Variants in VRK2 observed in about 807,000 individuals in gnomAD.
VRK2 encodes the protein serine/threonine-protein kinase VRK2.
A neutral mutation model predicts 57.6 loss-of-function variants in VRK2; 60 were observed. The ratio of observed to expected loss-of-function variants is 1.04; its 90% CI spans 0.85 to 1.29. VRK2 has a LOEUF of 1.29. Ranked by LOEUF, VRK2 falls within the 50% of genes most tolerant of loss-of-function variation. The pLI is 0.00. For synonymous variants in VRK2, 231 were observed against 199.2 expected, an observed-to-expected ratio of 1.16 and a Z score of -1.35; for missense variants, 705 against 588.1, an observed-to-expected ratio of 1.20 and a Z score of -2.06.
intron 1 of VRK2, among the ~76,000 whole-genome samples, chr2:57,921,044 C>G (rs923420750): frequency 6.6e-6 from 1 of 151,984 alleles, no homozygotes; most frequent in Non-Finnish European, 1.5e-5. Context: ...TGACTGTTAA[C>G]GAATTAATCA....
At position 57,913,008 on chromosome 2, in the gene VRK2, G is replaced by A. The variant is rs951766632; in HGVS notation, c.-439+5169G>A. Among the ~76,000 whole-genome samples the A allele has an allele frequency of 2.6e-5, 4 of 152,130 alleles. No individual in the cohort carries two copies. The East Asian group carries it at 7.7e-4, about 29-fold the overall frequency. ...ACAAGCTGTCTATGAACCAGGAAGT[G>A]GGCCTCCTCAGACACTGAATCTGCT... On this transcript the variant is annotated intron_variant, in intron 1 of 15. Coordinates refer to the VRK2 transcript ENST00000417641.
intron 1 of VRK2, among the ~76,000 whole-genome samples, chr2:58,018,675 A>C (rs549962579): frequency 6.6e-6 from 1 of 152,330 alleles, no homozygotes; most frequent in South Asian, 2.1e-4. Flanking sequence ...AATTACATCT[A>C]AACTTTGGTG....
chr2:57,949,155 G>C (rs915895055), intron 1 of VRK2, among the ~76,000 whole-genome samples: 2 of 152,090 alleles, frequency 1.3e-5, no homozygotes, highest in Non-Finnish European at 2.9e-5. Context: ...AAAAGGATTT[G>C]AAAATAGCTG....
At chr2:57,913,183 G>A in intron 1 of VRK2, among the ~76,000 whole-genome samples, 1 of 152,166 alleles carries the variant, frequency 6.6e-6, no homozygotes, top group Non-Finnish European at 1.5e-5. Context: ...GAACACACTG[G>A]ATTTAGAGCA....
intron 2 of VRK2, among the ~76,000 whole-genome samples, chr2:58,032,826 C>G (rs913937472): frequency 6.6e-6 from 1 of 152,078 alleles, no homozygotes. Flanking sequence ...TCTATGCACC[C>G]CAGCCAGCTT....
At chr2:58,040,969 T>A in intron 3 of VRK2, 3 of 896,692 alleles carry the variant, frequency 3.3e-6, no homozygotes, top group Non-Finnish European at 4.0e-6. Flanking sequence ...GTGTCAACTC[T>A]ATTCTTATTG....
intron 9 of VRK2, among the ~76,000 whole-genome samples, chr2:58,133,836 T>C (rs148607205): frequency 3.9e-5 from 6 of 152,350 alleles, no homozygotes; most frequent in African/African-American, 9.6e-5. Flanking sequence ...AATGCACATA[T>C]ATACTTAGAT....
intron 1 of VRK2, among the ~76,000 whole-genome samples, chr2:57,974,461 C>A (rs1162837112): frequency 6.6e-6 from 1 of 151,404 alleles, no homozygotes; most frequent in Non-Finnish European, 1.5e-5. Flanking sequence ...CCACTAAATT[C>A]AAAAAGGCAG....
At chr2:58,156,659 A>G (rs961851987) in intron 12 of VRK2, among the ~76,000 whole-genome samples, 2 of 151,990 alleles carry the variant, frequency 1.3e-5, no homozygotes, top group African/African-American at 2.4e-5. Context: ...TGTTAAACCT[A>G]GCCAATGAAT....
intron 1 of VRK2, among the ~76,000 whole-genome samples, chr2:57,941,736 G>A (rs551168051): frequency 5.5e-4 from 84 of 152,254 alleles, no homozygotes; most frequent in African/African-American, 2.0e-3. Flanking sequence ...TGTTAACAGT[G>A]CCCTTTGGCT....
intron 7 of VRK2, among the ~76,000 whole-genome samples, chr2:58,108,647 A>T (rs1675113781): frequency 6.6e-6 from 1 of 152,126 alleles, no homozygotes. Context: ...CTTAGAAATT[A>T]TTCAGTACCC....
rs377436957 is a variant in VRK2, at chr2:58,159,394, T to C, written c.1228T>C (p.Leu410=). ...GAAATATCAAGAGTCTCAAGAACCT[T>C]TGAATGAAGTAAACAGTTTCCCACA... is the stretch of plus-strand genomic sequence containing the variant. ...RQKYQESQEP[L]NEVNSFPQKI... is the part of the protein sequence containing the mutation. Residue 410 remains leucine (L), a synonymous_variant, in exon 13 of 13, where the codon TTG becomes CTG. Transcript: ENST00000340157. 5.5e-5 allele frequency: 89 copies of C among 1,613,036 alleles called. No individual in the cohort carries two copies. The highest frequency in any genetic ancestry group is 8.0e-5 in the African/African-American group (6 of 74,822).
intron 1 of VRK2, among the ~76,000 whole-genome samples, chr2:57,967,111 A>G (rs569321798): frequency 1.3e-5 from 2 of 152,328 alleles, no homozygotes; most frequent in South Asian, 2.1e-4. Flanking sequence ...TGTATTATCA[A>G]ACTAACGCAA....
At chr2:58,004,353 T>C (rs150570212) in intron 1 of VRK2, among the ~76,000 whole-genome samples, 1 of 152,180 alleles carries the variant, frequency 6.6e-6, no homozygotes, top group Admixed American at 6.5e-5. Context: ...AATGTATTAC[T>C]GAGTGGTTCA....
intron 11 of VRK2, among the ~76,000 whole-genome samples, chr2:58,145,800 G>A (rs951015466): frequency 6.6e-5 from 10 of 151,876 alleles, no homozygotes; most frequent in South Asian, 4.2e-4. Context: ...ACAGGCCCCA[G>A]TGTGTGATGT....
At chr2:57,991,201 C>T (rs574690510) in intron 1 of VRK2, among the ~76,000 whole-genome samples, 1 of 152,228 alleles carries the variant, frequency 6.6e-6, no homozygotes, top group African/African-American at 2.4e-5. Flanking sequence ...TAATTCTCCC[C>T]ACCATCAGTA....
At chr2:57,985,365 T>G (rs999707732) in intron 1 of VRK2, among the ~76,000 whole-genome samples, 2 of 152,034 alleles carry the variant, frequency 1.3e-5, no homozygotes, top group Non-Finnish European at 2.9e-5. Flanking sequence ...ACGTAAAGAT[T>G]TGACATATTT....
chr2:58,060,279 A>C (rs1677129788), intron 2 of VRK2, among the ~76,000 whole-genome samples: 1 of 151,956 alleles, frequency 6.6e-6, no homozygotes, highest in Non-Finnish European at 1.5e-5. Context: ...CTACTCTAGC[A>C]GAAAGCTTTT....
chr2:57,938,731 G>A, intron 1 of VRK2, among the ~76,000 whole-genome samples: 1 of 151,914 alleles, frequency 6.6e-6, no homozygotes, highest in Admixed American at 6.6e-5. Context: ...CTACATTCAA[G>A]CAAAATATAT....
Sources: allele counts gnomAD v4.1 joint callset (sites outside exome capture counted in the v4.1 genomes callset), GRCh38; gene constraint gnomAD v4.1.1; transcripts MANE v1.5; gene names NCBI Gene and HGNC (gene_info 2026-07-23, HGNC 2026-07-21).